Variants in ASPH observed in about 807,000 individuals in gnomAD.
ASPH encodes aspartyl/asparaginyl beta-hydroxylase.
A neutral mutation model predicts 118.4 loss-of-function variants in ASPH; 100 were observed. That is an observed-to-expected ratio of 0.84 (90% CI 0.72 to 1.00). The LOEUF (loss-of-function observed/expected upper bound fraction) is 1.00, where lower values mean the gene tolerates loss of function less well. Ranked by LOEUF, ASPH falls within the 50% of genes least tolerant of loss-of-function variation. ASPH has a pLI of 0.00. For missense variants in ASPH, 920 were observed against 919.5 expected (o/e 1.00, Z -0.01); for synonymous variants, 315 against 325.6 (o/e 0.97, Z 0.35).
At chr8:61,647,007 C>T (rs1013238311) in intron 5 of ASPH, 129 bp from the exon 6 acceptor site, 3 of 1,171,158 alleles carry the variant, frequency 2.6e-6, no homozygotes, top group Non-Finnish European at 3.7e-6. Flanking sequence ...GCTGAAGACA[C>T]CATTGTCCAC....
chr8:61,665,640 TA>T (rs1290852092), intron 3 of ASPH: 1 of 1,530,670 alleles, frequency 6.5e-7, no homozygotes, highest in South Asian at 1.3e-5. Flanking sequence ...AAAAAATGTT[TA>T]TTGACAGGAT....
At chr8:61,598,641 G>A (rs912976982) in intron 14 of ASPH, among the ~76,000 whole-genome samples, 6 of 152,144 alleles carry the variant, frequency 3.9e-5, no homozygotes, top group Non-Finnish European at 7.4e-5. Flanking sequence ...AGACCAAATG[G>A]ACTTAACAGA....
At chr8:61,539,219 C>A (rs565677900) in intron 21 of ASPH, among the ~76,000 whole-genome samples, 1 of 152,002 alleles carries the variant, frequency 6.6e-6, no homozygotes. Context: ...CCAGACTGGG[C>A]GACAGAGTGA....
chr8:61,598,532 C>T (rs893236865), intron 14 of ASPH, among the ~76,000 whole-genome samples: 1 of 152,148 alleles, frequency 6.6e-6, no homozygotes, highest in African/African-American at 2.4e-5. Context: ...GACTCTAATA[C>T]AATAATAGTT....
intron 3 of ASPH, chr8:61,663,954 C>A: frequency 1.1e-6 from 1 of 876,622 alleles, no homozygotes. Context: ...TCAAAAATCT[C>A]GTTTTTAAGA....
At chr8:61,614,377 G>C (rs539819312) in intron 14 of ASPH, among the ~76,000 whole-genome samples, 5 of 152,184 alleles carry the variant, frequency 3.3e-5, no homozygotes, top group African/African-American at 1.2e-4. Flanking sequence ...TTCTTTAAAG[G>C]CTCACAAATC....
intron 3 of ASPH, chr8:61,675,522 A>G: frequency 1.0e-6 from 1 of 981,274 alleles, no homozygotes; most frequent in South Asian, 4.7e-5. Context: ...AATTTTACAT[A>G]GAAATTTGTA....
In ASPH at chr8:61,555,909, A is replaced by G. The variant is rs201382081; in HGVS notation, c.1536+15T>C. The G allele has an allele frequency of 1.2e-6, 2 of 1,607,402 alleles. No individual in the cohort carries two copies. The highest frequency in any genetic ancestry group is 1.3e-5 in the African/African-American group (1 of 74,938). On this transcript the variant is annotated intron_variant, in intron 19 of 24. Coordinates refer to ENST00000379454, the MANE Select transcript of ASPH (RefSeq NM_004318.4). ...ACTTGAAAGATGAAAGGAGAGGAGA[A>G]GCAGTGAGCATTACCTTTAAATATG...
At chr8:61,665,375 G>A (rs917354632) in intron 3 of ASPH, 2 of 1,613,392 alleles carry the variant, frequency 1.2e-6, no homozygotes, top group Admixed American at 1.7e-5. Context: ...CATATTTGTT[G>A]ATTTTTTCCT....
rs935893460 is a variant in ASPH at position 61,714,388 on chromosome 8, G to A, written c.-17C>T. On this transcript the variant is annotated 5_prime_UTR_variant, in exon 1 of 25. Transcript: ENST00000379454. ...CTGGGCCATTGCACGGTCCGCGGGG[G>A]CTGGTGAGGGCTGGCGGACCTCCTT... The A allele has an allele frequency of 6.8e-7, 1 of 1,480,356 alleles. No homozygotes were observed. Among genetic ancestry groups the A allele is most frequent in the Non-Finnish European group, 9.0e-7 (1 of 1,112,786 alleles). The allele number at this position is 1,480,356 out of a possible 1,614,324, so 91.7% of individuals were successfully genotyped here.
At position 61,535,922 on chromosome 8, in the gene ASPH, AC is replaced by A. The variant is rs145605999; in HGVS notation, c.1765-9811del. Reference sequence around the variant, plus strand: ...AATTCTCTTTGCAATACTTCTAACAACACCGCTAAGGAAATTACTAGCATTA... The same window carrying A: ...AATTCTCTTTGCAATACTTCTAACAAACCGCTAAGGAAATTACTAGCATTA... On this transcript the variant is annotated intron_variant, in intron 21 of 24. Transcript: ENST00000379454. 7.8e-3 allele frequency among the ~76,000 whole-genome samples: 1,183 copies of A among 152,308 alleles called. 15 individuals are homozygous for A. The highest frequency in any genetic ancestry group is 0.027 in the African/African-American group (1,116 of 41,564).
At chr8:61,694,905 C>T (rs1262906710) in intron 1 of ASPH, among the ~76,000 whole-genome samples, 1 of 152,184 alleles carries the variant, frequency 6.6e-6, no homozygotes, top group Admixed American at 6.5e-5. Flanking sequence ...AGAAGCACTT[C>T]TGTGAAGCCA....
chr8:61,629,483 G>C (rs1229915023), intron 13 of ASPH, among the ~76,000 whole-genome samples: 1 of 151,528 alleles, frequency 6.6e-6, no homozygotes, highest in East Asian at 1.9e-4. Flanking sequence ...TAATGGATGA[G>C]AAATTCCAAA....
chr8:61,653,755 TAG>T, intron 3 of ASPH, 95 bp from the exon 4 acceptor site: 1 of 1,201,940 alleles, frequency 8.3e-7, no homozygotes, highest in Non-Finnish European at 1.2e-6. Flanking sequence ...ATTTAATTAA[TAG>T]TGCTGCTAAT....
intron 14 of ASPH, among the ~76,000 whole-genome samples, chr8:61,592,335 A>G (rs1195443661): frequency 1.3e-5 from 2 of 152,214 alleles, no homozygotes; most frequent in Admixed American, 1.3e-4. Context: ...TAAGCAGTTA[A>G]TTTTTTAAAA....
chr8:61,704,071 T>C (rs1835904375), intron 1 of ASPH, among the ~76,000 whole-genome samples: 1 of 149,538 alleles, frequency 6.7e-6, no homozygotes, highest in East Asian at 2.0e-4. Context: ...GGCGGGCGCC[T>C]GTAGTCCCAG....
intron 16 of ASPH, chr8:61,576,560 A>G: frequency 4.4e-6 from 2 of 458,334 alleles, no homozygotes; most frequent in Non-Finnish European, 7.7e-6. Context: ...TTTCAAAGCC[A>G]GAGAGAAGTC....
chr8:61,575,485 T>C (rs1834835913), intron 16 of ASPH, among the ~76,000 whole-genome samples: 1 of 152,154 alleles, frequency 6.6e-6, no homozygotes, highest in Admixed American at 6.5e-5. Flanking sequence ...GTCTTATGCA[T>C]TGTCTTCCCC....
intron 6 of ASPH, among the ~76,000 whole-genome samples, chr8:61,645,724 T>C (rs1807594600): frequency 6.6e-6 from 1 of 152,234 alleles, no homozygotes; most frequent in Admixed American, 6.5e-5. Flanking sequence ...CCATCCCATA[T>C]TTTTATGGGA....
Sources: gnomAD v4.1 joint callset for allele counts (sites outside exome capture counted in the v4.1 genomes callset) on GRCh38, gnomAD v4.1.1 for gene constraint, MANE v1.5 for transcripts, NCBI Gene and HGNC (gene_info 2026-07-23, HGNC 2026-07-21) for gene names.